The following ANGEL2 variants were observed in gnomAD, a reference collection of about 807,000 sequenced individuals.
The protein encoded by ANGEL2 is RNA 2',3'-cyclic phosphatase ANGEL2.
In ANGEL2, 41 loss-of-function variants were observed where a neutral mutation model predicts 66.0. The observed-to-expected ratio is 0.62, with a 90% CI of 0.48 to 0.81. The LOEUF is 0.81. Ranked by LOEUF, ANGEL2 falls within the 30% of genes least tolerant of loss-of-function variation. The pLI is 0.00. For synonymous variants in ANGEL2, 208 were observed against 226.5 expected, an observed-to-expected ratio of 0.92 and a Z score of 0.73; for missense variants, 561 against 641.6, an observed-to-expected ratio of 0.87 and a Z score of 1.36.
At chr1:213,015,313 G>A (rs1572166153) in intron 1 of ANGEL2, 6 of 1,329,478 alleles carry the variant, frequency 4.5e-6, no homozygotes, top group East Asian at 6.3e-5. Flanking sequence ...TCTGGAGGCT[G>A]GGTTGGGGGA....
At position 213,013,299 on chromosome 1, in the gene ANGEL2, T is replaced by C. The variant is rs764072061; in HGVS notation, c.179A>G (p.His60Arg). The C allele has an allele frequency of 1.9e-6, 3 of 1,614,170 alleles. No individual in the cohort carries two copies. Among genetic ancestry groups the C allele is most frequent in the South Asian group, 1.1e-5 (1 of 91,086 alleles). Residue 60 changes from histidine to arginine, a missense_variant, in exon 2 of 9, where the codon CAT (histidine) becomes CGT (arginine). Physicochemically the swap from His to Arg is conservative, Grantham distance 29. Coordinates refer to ENST00000366962, the MANE Select transcript of ANGEL2 (RefSeq NM_144567.5). ...GTATGGGTAAGGAGCTCGAGAGTAATGTCCAGGCCACCTCATACAACTAGA... is the reference window on the plus strand; with the variant it reads ...GTATGGGTAAGGAGCTCGAGAGTAACGTCCAGGCCACCTCATACAACTAGA... ...HISSCMRWPG[H>R]YSRAPYPYFS...
chr1:213,005,375 T>C lies in ANGEL2; in HGVS notation c.792A>G (p.Ser264=). 1 of 1,613,842 alleles carries C rather than the reference T, an allele frequency of 6.2e-7. No individual in the cohort carries two copies. Among genetic ancestry groups the C allele is most frequent in the Non-Finnish European group, 8.5e-7 (1 of 1,179,972 alleles). Residue 264 remains serine (S), a synonymous_variant, in exon 5 of 9, where the codon TCA becomes TCG. Coordinates refer to ENST00000366962, the MANE Select transcript of ANGEL2 (RefSeq NM_144567.5). ...CAICFKHSKF[S]LLSVNPVEFF... is the part of the protein sequence containing the mutation. ...ATTCCACTGGGTTCACTGACAAGAG[T>C]GAAAATTTGGAATGTTTGAAGCAAA...
In ANGEL2 at chr1:212,995,059, C is replaced by T. The variant is rs763047812; in HGVS notation, c.1617G>A (p.Lys539=). ...AAGAGAGTCAGAGCTCAAGTCTGAA[C>T]TTTGCCAATAAAGGCAGATGATCTG... ...NSSDHLPLLA[K]FRLEL is the part of the protein sequence containing the mutation. The change falls in exon 9 of 9, where the codon AAG becomes AAA. Residue 539 remains lysine (K), a synonymous_variant. Coordinates refer to ENST00000366962, the MANE Select transcript of ANGEL2 (RefSeq NM_144567.5). 6.2e-7 allele frequency: 1 copy of T among 1,608,578 alleles called. No homozygotes were observed. Among genetic ancestry groups the T allele is most frequent in the South Asian group, 1.1e-5 (1 of 89,958 alleles).
chr1:213,006,850 T>G (rs754537593), intron 4 of ANGEL2: 246 of 359,552 alleles, frequency 6.8e-4, no homozygotes, highest in Non-Finnish European at 1.4e-4. Context: ...CCACACATCT[T>G]TGTCAGCAAG....
chr1:213,000,171 G>A (rs958211496), intron 7 of ANGEL2, among the ~76,000 whole-genome samples, 155 bp downstream of exon 7: 5 of 152,218 alleles, frequency 3.3e-5, no homozygotes, highest in East Asian at 1.9e-4. Flanking sequence ...AGCAGAGTCA[G>A]GACTGGAACT....
chr1:213,009,238 G>C (rs1475157712), intron 2 of ANGEL2, among the ~76,000 whole-genome samples: 1 of 152,170 alleles, frequency 6.6e-6, no homozygotes, highest in East Asian at 1.9e-4. Flanking sequence ...TGCAATCATA[G>C]GCAGTCCCTG....
At chr1:213,008,890 C>T (rs999188834) in intron 2 of ANGEL2, among the ~76,000 whole-genome samples, 5 of 152,184 alleles carry the variant, frequency 3.3e-5, no homozygotes, top group African/African-American at 1.2e-4. Context: ...ATTTTATTCC[C>T]TATTAGTGGG....
chr1:213,007,268 T>A, intron 3 of ANGEL2, 70 bp from the exon 4 acceptor site: 1 of 1,166,706 alleles, frequency 8.6e-7, no homozygotes. Flanking sequence ...GCTTTTATCT[T>A]AAAATATCTA....
rs1192752351 is a variant in ANGEL2 at position 212,994,263 on chromosome 1, C to T, written c.*778G>A. Reference sequence around the variant, plus strand: ...GCCATTGCACCCCCAGCCTGGGCAACAAGAGTGAAACTCCATCTCAAAAAA... The same window carrying T: ...GCCATTGCACCCCCAGCCTGGGCAATAAGAGTGAAACTCCATCTCAAAAAA... On this transcript the variant is annotated 3_prime_UTR_variant, in exon 9 of 9. Coordinates refer to ENST00000366962, the MANE Select transcript of ANGEL2 (RefSeq NM_144567.5). 1 of 151,912 alleles carries T rather than the reference C, an allele frequency of 6.6e-6. No homozygotes were observed. Among genetic ancestry groups the T allele is most frequent in the Non-Finnish European group, 1.5e-5 (1 of 68,022 alleles). 9.4% of individuals were successfully genotyped at this position (151,912 alleles called of 1,614,324 possible).
intron 8 of ANGEL2, among the ~76,000 whole-genome samples, chr1:212,996,877 T>C (rs1039338064): frequency 1.3e-5 from 2 of 151,858 alleles, no homozygotes; most frequent in African/African-American, 4.8e-5. Flanking sequence ...AAGGGCAATA[T>C]GAAAGACCTA....
At chr1:212,999,294 G>A (rs985438041) in intron 7 of ANGEL2, among the ~76,000 whole-genome samples, 1 of 152,212 alleles carries the variant, frequency 6.6e-6, no homozygotes, top group Non-Finnish European at 1.5e-5. Flanking sequence ...GATTATAGGC[G>A]TGAGCCAACA....
chr1:213,008,225 T>C lies in ANGEL2; in HGVS notation c.627A>G (p.Lys209=). The part of the protein sequence containing the change: ...FRFPNILKEI[K]HFDADVLCLQ... ...TTGCACTTACGTCTGCATCAAAATG[T>C]TTAATTTCTTTCAGAATATTGGGAA... Residue 209 remains lysine, a synonymous_variant, in exon 3 of 9, where the codon AAA becomes AAG. Transcript: ENST00000366962. 2.5e-6 allele frequency: 4 copies of C among 1,612,886 alleles called. No individual in the cohort carries two copies. The highest frequency in any genetic ancestry group is 3.4e-6 in the Non-Finnish European group (4 of 1,179,470).
rs778100901 is a variant in ANGEL2 at position 213,005,263 on chromosome 1, G to A, written c.904C>T (p.Pro302Ser). The change falls in exon 5 of 9, where the codon CCT (proline) becomes TCT (serine). Residue 302 changes from proline (P) to serine (S), a missense_variant. Transcript: ENST00000366962. ...LQPKIPYAAC[P>S]AICVANTHLL... is the part of the protein sequence containing the mutation. ...TGCGTATTTGCTACGCAGATTGCAG[G>A]GCAGGCAGCATATGGAATTTTGGGC... 34 of 1,614,074 alleles carry A rather than the reference G, an allele frequency of 2.1e-5. No individual in the cohort carries two copies. Among genetic ancestry groups the A allele is most frequent in the Non-Finnish European group, 2.8e-5 (33 of 1,180,048 alleles).
intron 4 of ANGEL2, chr1:213,006,551 A>T (rs1239907821): frequency 6.6e-6 from 1 of 151,954 alleles, no homozygotes; most frequent in Non-Finnish European, 1.5e-5. Flanking sequence ...ACTTGTTTCT[A>T]GGAGTGTTTA....
intron 6 of ANGEL2, 90 bp from the exon 7 acceptor site, chr1:213,000,473 T>C (rs1050226481): frequency 5.0e-5 from 59 of 1,182,752 alleles, no homozygotes; most frequent in Middle Eastern, 4.3e-4. Context: ...TTAAGACTTA[T>C]CTAGGTTAGA....
At chr1:213,012,153 T>C (rs2076525227) in intron 2 of ANGEL2, among the ~76,000 whole-genome samples, 1 of 152,222 alleles carries the variant, frequency 6.6e-6, no homozygotes. Context: ...TAGACTACTT[T>C]CTGATAACAA....
chr1:212,995,567 G>A (rs1265941819), intron 8 of ANGEL2, among the ~76,000 whole-genome samples: 2 of 152,204 alleles, frequency 1.3e-5, no homozygotes, highest in African/African-American at 2.4e-5. Context: ...AGTTTATAAG[G>A]TGAATGGAGA....
chr1:213,013,381 T>G lies in ANGEL2; in HGVS notation c.97A>C (p.Arg33=). 6.2e-7 allele frequency: 1 copy of G among 1,614,090 alleles called. No individual in the cohort carries two copies. The highest frequency in any genetic ancestry group is 2.2e-5 in the East Asian group (1 of 44,884). ...MFPHHSRSLG[R]DWTTPWENLQ... ...TTCTCCCACGGTGTAGTCCAGTCTC[T>G]GCCCAGACTCCTCGAGTGATGGGGA... Residue 33 remains arginine (R), a synonymous_variant, in exon 2 of 9, where the codon AGA becomes CGA. Transcript: ENST00000366962.
chr1:213,005,184 A>G lies in ANGEL2; in HGVS notation c.983T>C (p.Leu328Pro). 1 of 1,614,270 alleles carries G rather than the reference A, an allele frequency of 6.2e-7. No individual in the cohort carries two copies. The highest frequency in any genetic ancestry group is 8.5e-7 in the Non-Finnish European group (1 of 1,180,038). Residue 328 changes from leucine (L) to proline (P), a missense_variant, in exon 5 of 9, where the codon CTA (leucine) becomes CCA (proline). Leu to Pro is a moderately conservative substitution (Grantham distance 98). Coordinates refer to ENST00000366962, the MANE Select transcript of ANGEL2 (RefSeq NM_144567.5). ...GDIKLTQLAM[L>P]LAEISSVAHQ... ...GGCAACACTGGAAATCTCTGCCAGT[A>G]GCATTGCCAATTGCGTCAGCTTAAT...
Sources: gnomAD v4.1 joint callset for allele counts (sites outside exome capture counted in the v4.1 genomes callset) on GRCh38, gnomAD v4.1.1 for gene constraint, MANE v1.5 for transcripts, NCBI Gene and HGNC (gene_info 2026-07-23, HGNC 2026-07-21) for gene names.